Variants in CFAP74 observed in about 807,000 individuals in gnomAD.
The protein encoded by CFAP74 is cilia- and flagella-associated protein 74.
A neutral mutation model predicts 188.9 loss-of-function variants in CFAP74; 124 were observed. The ratio of observed to expected loss-of-function variants is 0.66; its 90% CI spans 0.57 to 0.76. The LOEUF (loss-of-function observed/expected upper bound fraction) is 0.76, where lower values mean the gene tolerates loss of function less well. Ranked by LOEUF, CFAP74 falls within the 30% of genes least tolerant of loss-of-function variation. The probability of loss-of-function intolerance (pLI) is 0.00; values close to 1 mark genes in which losing one functional copy is unlikely to be tolerated. For missense variants in CFAP74, 2,198 were observed against 2,165.2 expected (o/e 1.02, Z -0.30); for synonymous variants, 956 against 916.7 (o/e 1.04, Z -0.77).
chr1:1,985,314 GC>G (rs1009315718), intron 6 of CFAP74, 71 bp downstream of exon 6: 4 of 1,314,974 alleles, frequency 3.0e-6, no homozygotes, highest in Admixed American at 3.4e-5. Context: ...CTTGCTCTCT[GC>G]CCCCAGATGG....
chr1:1,972,039 A>C lies in CFAP74; in HGVS notation c.829T>G (p.Tyr277Asp), dbSNP rs1439650215. Residue 277 changes from tyrosine to aspartate, a missense_variant, in exon 9 of 39, where the codon TAC (tyrosine) becomes GAC (aspartate). By Grantham distance (160) the Tyr-to-Asp change is radical (BLOSUM62 -3). Transcript: ENST00000682832. Reference sequence around the variant, plus strand: ...ACCGCATCCATGCGTCGCCTCATGTACTCGTGGCACTCCATCTCCTCCTTC... The same window carrying C: ...ACCGCATCCATGCGTCGCCTCATGTCCTCGTGGCACTCCATCTCCTCCTTC... ...EKKEEMECHEYMRRRMDAVVA... is the reference protein window; with the variant it reads ...EKKEEMECHEDMRRRMDAVVA... 3.7e-6 allele frequency: 6 copies of C among 1,612,768 alleles called. No homozygotes were observed. Among genetic ancestry groups the C allele is most frequent in the Non-Finnish European group, 5.1e-6 (6 of 1,179,964 alleles).
At chr1:1,980,140 G>A (rs1419289689) in intron 6 of CFAP74, among the ~76,000 whole-genome samples, 5 of 105,444 alleles carry the variant, frequency 4.7e-5, no homozygotes, top group Admixed American at 2.0e-4. Flanking sequence ...CCCTCTTACC[G>A]CGTGGGGAGG....
chr1:1,956,387 G>T (rs377115562), intron 17 of CFAP74, among the ~76,000 whole-genome samples: 41 of 152,246 alleles, frequency 2.7e-4, no homozygotes, highest in African/African-American at 9.4e-4. Context: ...GCTGCTACGT[G>T]CCTGAGAAAG....
chr1:1,941,707 G>T (rs1653389083), intron 22 of CFAP74, among the ~76,000 whole-genome samples: 1 of 152,208 alleles, frequency 6.6e-6, no homozygotes, highest in African/African-American at 2.4e-5. Flanking sequence ...CAGACCCTCA[G>T]TGGCCATGAG....
At position 1,942,257 on chromosome 1, in the gene CFAP74, CG is replaced by C; in HGVS notation, c.2487-102del. On this transcript the variant is annotated intron_variant, in intron 21 of 38. Transcript: ENST00000682832. The surrounding 1 kb of genome is among the most constrained non-coding windows in gnomAD (Gnocchi z 4.3). Reference sequence around the variant, plus strand: ...AAAACATTTCTGGCACCCAAGCCCCCGAGAGGTGCTCAGAGCCCACCCACTC... The same window carrying C: ...AAAACATTTCTGGCACCCAAGCCCCCAGAGGTGCTCAGAGCCCACCCACTC... 1 of 1,233,474 alleles carries C rather than the reference CG, an allele frequency of 8.1e-7. No individual in the cohort carries two copies. Among genetic ancestry groups the C allele is most frequent in the South Asian group, 2.0e-5 (1 of 49,270 alleles). The allele number at this position is 1,233,474 out of a possible 1,614,324, so 76.4% of individuals were successfully genotyped here.
chr1:1,962,037 T>C (rs1655124591), intron 14 of CFAP74, among the ~76,000 whole-genome samples: 1 of 152,160 alleles, frequency 6.6e-6, no homozygotes, highest in Admixed American at 6.5e-5. Flanking sequence ...GACCCTCTTT[T>C]GAGAAGCTGC....
intron 6 of CFAP74, chr1:1,985,013 C>T (rs931963555): frequency 4.7e-5 from 9 of 193,270 alleles, no homozygotes; most frequent in Admixed American, 4.2e-4. Flanking sequence ...TTGCCAAACT[C>T]GCCGAAGGCA....
chr1:1,934,861 A>G (rs1048231157), intron 25 of CFAP74, among the ~76,000 whole-genome samples: 5 of 149,200 alleles, frequency 3.4e-5, no homozygotes, highest in Non-Finnish European at 5.9e-5. Flanking sequence ...GGTTGTAGGT[A>G]CACACGTGTG....
Position 1,939,707 on chromosome 1 carries a change from G to A in CFAP74, c.2764C>T (p.Pro922Ser). The change falls in exon 24 of 39, where the codon CCC becomes TCC. Residue 922 changes from proline (P) to serine (S), a missense_variant. By Grantham distance (74) the Pro-to-Ser change is moderately conservative (BLOSUM62 -1). Coordinates refer to ENST00000682832, the MANE Select transcript of CFAP74 (RefSeq NM_001304360.2). Reference sequence around the variant, plus strand: ...CAGTAGCCAAAATCCACCTCCGAGGGACTGAGCTCCAGGTCCGAGGTGGTG... The same window carrying A: ...CAGTAGCCAAAATCCACCTCCGAGGAACTGAGCTCCAGGTCCGAGGTGGTG... The part of the protein sequence containing the change: ...IVTTSDLELS[P>S]SEVDFGYCTI... 1 of 1,536,092 alleles carries A rather than the reference G, an allele frequency of 6.5e-7. No homozygotes were observed. The highest frequency in any genetic ancestry group is 8.7e-7 in the Non-Finnish European group (1 of 1,146,872).
rs1055461649 is a variant in CFAP74, at chr1:1,955,767, C to A, written c.2100G>T (p.Glu700Asp). ...SFSEQQLEGT[E>D]SSQADMQSRK... ...GGCTCTGCATGTCCGCCTGGGAGGA[C>A]TCCGTGCCCTCTAGCTGCTGCTCAG... Residue 700 changes from glutamate (E) to aspartate (D), a missense_variant, in exon 18 of 39, where the codon GAG becomes GAT. Coordinates refer to ENST00000682832, the MANE Select transcript of CFAP74 (RefSeq NM_001304360.2). 3.7e-6 allele frequency: 6 copies of A among 1,614,240 alleles called. No individual in the cohort carries two copies. The highest frequency in any genetic ancestry group is 5.1e-6 in the Non-Finnish European group (6 of 1,180,048).
At chr1:1,993,198 CA>C (rs58970740) in intron 1 of CFAP74, among the ~76,000 whole-genome samples, 39,137 of 90,734 alleles carry the variant, frequency 0.43, 5,181 homozygotes, top group Middle Eastern at 0.61. Context: ...AAGACTGTCT[CA>C]AAAAAAAAAA....
chr1:1,934,485 G>A (rs868508264), intron 25 of CFAP74, among the ~76,000 whole-genome samples: 1 of 150,986 alleles, frequency 6.6e-6, no homozygotes, highest in African/African-American at 2.4e-5. Flanking sequence ...GTGTTAGGTT[G>A]TAGGTACACA....
intron 8 of CFAP74, among the ~76,000 whole-genome samples, 191 bp from the exon 9 acceptor site, chr1:1,972,273 C>A (rs13303201): frequency 0.3 from 45,920 of 152,088 alleles, 7,215 homozygotes; most frequent in Non-Finnish European, 0.34. Context: ...AGTGACACAG[C>A]GATGCCGTGT....
intron 1 of CFAP74, among the ~76,000 whole-genome samples, chr1:2,002,777 T>C (rs1030751746): frequency 1.3e-5 from 2 of 150,114 alleles, no homozygotes; most frequent in African/African-American, 4.9e-5. Flanking sequence ...TATATATTTA[T>C]ATTATATATT....
intron 20 of CFAP74, among the ~76,000 whole-genome samples, chr1:1,944,898 G>C (rs963332093): frequency 6.6e-6 from 1 of 152,156 alleles, no homozygotes; most frequent in Non-Finnish European, 1.5e-5. Context: ...GAGCCACTGC[G>C]CCCGGCCAAA....
chr1:1,992,988 G>T (rs1307746781), intron 1 of CFAP74, among the ~76,000 whole-genome samples: 1 of 151,148 alleles, frequency 6.6e-6, no homozygotes, highest in East Asian at 2.0e-4. Context: ...ATCACTTGAG[G>T]TCAGGAATTT....
rs760200434 is a variant in CFAP74, at chr1:1,926,717, G to A, written c.3707C>T (p.Ala1236Val). 3 of 1,550,180 alleles carry A rather than the reference G, an allele frequency of 1.9e-6. No homozygotes were observed. Among genetic ancestry groups the A allele is most frequent in the African/African-American group, 1.4e-5 (1 of 73,146 alleles). ...LYLELWCPTV[A>V]PSVVVTSHKG... Reference sequence around the variant, plus strand: ...ATGGGACGTCACCACAACAGATGGTGCCACCGTCGGGCACCACAGCTCCAG... The same window carrying A: ...ATGGGACGTCACCACAACAGATGGTACCACCGTCGGGCACCACAGCTCCAG... Residue 1236 changes from alanine (A) to valine (V), a missense_variant, in exon 30 of 39, where the codon GCA becomes GTA. Physicochemically the swap from Ala to Val is moderately conservative, Grantham distance 64 (BLOSUM62 0). Coordinates refer to ENST00000682832, the MANE Select transcript of CFAP74 (RefSeq NM_001304360.2).
chr1:1,983,956 TGG>T (rs147448452), intron 6 of CFAP74: 45,571 of 151,312 alleles, frequency 0.3, 7,079 homozygotes, highest in Non-Finnish European at 0.34. Flanking sequence ...CCCAAAGTGC[TGG>T]GATGACAGGC....
intron 15 of CFAP74, 74 bp from the exon 16 acceptor site, chr1:1,959,283 G>A (rs1219875367): frequency 1.1e-5 from 12 of 1,052,920 alleles, no homozygotes; most frequent in African/African-American, 3.2e-5. Context: ...TTTGGACAGG[G>A]TCTGGCTCTG....
Sources: gnomAD v4.1 joint callset for allele counts (sites outside exome capture counted in the v4.1 genomes callset) on GRCh38, gnomAD v4.1.1 for gene constraint, Gnocchi (gnomAD v3.1) non-coding constraint, MANE v1.5 for transcripts, NCBI Gene and HGNC (gene_info 2026-07-23, HGNC 2026-07-21) for gene names.